The following FBXO34 variants were observed in gnomAD, a reference collection of about 807,000 sequenced individuals.
FBXO34 encodes F-box only protein 34.
A neutral mutation model predicts 24.5 loss-of-function variants in FBXO34; 12 were observed. The ratio of observed to expected loss-of-function variants is 0.49; its 90% CI spans 0.31 to 0.79. The LOEUF (loss-of-function observed/expected upper bound fraction) is 0.79, where lower values mean the gene tolerates loss of function less well. Ranked by LOEUF, FBXO34 falls within the 30% of genes least tolerant of loss-of-function variation. The pLI is 0.04. For missense variants in FBXO34, 823 were observed against 857.7 expected (o/e 0.96, Z 0.51); for synonymous variants, 320 against 311.9 (o/e 1.03, Z -0.27).
chr14:55,437,215 G>T, the FBXO34 span, among the ~76,000 whole-genome samples: 3 of 152,014 alleles, frequency 2.0e-5, no homozygotes, highest in East Asian at 3.8e-4. Flanking sequence ...GGTAGCTCAC[G>T]CCTGTAATCC....
intron 1 of FBXO34, chr14:55,271,905 C>T (rs1434797458): frequency 6.6e-6 from 1 of 152,268 alleles, no homozygotes. Flanking sequence ...GTGAGGAAGT[C>T]AGCCTCTGGA....
intron 1 of FBXO34, among the ~76,000 whole-genome samples, chr14:55,347,049 G>A (rs566788592): frequency 6.6e-6 from 1 of 152,244 alleles, no homozygotes; most frequent in South Asian, 2.1e-4. Context: ...GTGATTCAGC[G>A]GGCCTAGGGG....
intron 1 of FBXO34, among the ~76,000 whole-genome samples, chr14:55,312,482 ACT>A (rs1370882427): frequency 1.3e-5 from 2 of 151,898 alleles, no homozygotes; most frequent in Non-Finnish European, 2.9e-5. Context: ...CCCAGTGGAG[ACT>A]CTGTGTGGGG....
chr14:55,366,279 C>T (rs1434282323), downstream of FBXO34: 1 of 152,556 alleles, frequency 6.6e-6, no homozygotes, highest in African/African-American at 2.4e-5. Flanking sequence ...AAAAATTCTA[C>T]AAACTTCTTC....
At chr14:55,432,030 G>C in the FBXO34 span, among the ~76,000 whole-genome samples, 1 of 152,110 alleles carries the variant, frequency 6.6e-6, no homozygotes, top group Non-Finnish European at 1.5e-5. Flanking sequence ...GTGCACAAAT[G>C]CCTTAAGGGC....
rs559627784 is a variant in FBXO34 at position 55,336,092 on chromosome 14, G to A, written c.-10-14289G>A. Among the ~76,000 whole-genome samples the A allele has an allele frequency of 2.0e-5, 3 of 151,406 alleles. 1 individual carries two copies. Among genetic ancestry groups the A allele is most frequent in the African/African-American group, 7.2e-5 (3 of 41,498 alleles). On this transcript the variant is annotated intron_variant, in intron 1 of 1. Transcript: ENST00000313833. ...GTGCACTTATACAAGGCAGATTCAG[G>A]TACTAATTAAACTGCTCATTTAGAT...
chr14:55,286,906 C>CTTTTTT (rs34073592), intron 1 of FBXO34, among the ~76,000 whole-genome samples: 2 of 125,418 alleles, frequency 1.6e-5, no homozygotes, highest in African/African-American at 2.9e-5. Context: ...GTTTCATTTA[C>CTTTTTT]TTTTTTTTTT....
rs192651022 is a variant in FBXO34, at chr14:55,329,852, T to G, written c.-10-20529T>G. Among the ~76,000 whole-genome samples, 8 of 152,204 alleles carry G rather than the reference T, an allele frequency of 5.3e-5. No individual in the cohort carries two copies. The East Asian group carries it at 1.5e-3, about 29-fold the overall frequency. On this transcript the variant is annotated intron_variant, in intron 1 of 1. Transcript: ENST00000313833. Reference sequence around the variant, plus strand: ...GGAAAACTATCAGCTTTCAGTGGTGTTTTCTTTACCTTTTTGACTAGCGTT... The same window carrying G: ...GGAAAACTATCAGCTTTCAGTGGTGGTTTCTTTACCTTTTTGACTAGCGTT...
chr14:55,380,876 T>TATATATATATATATATATATA, the FBXO34 span, among the ~76,000 whole-genome samples: 3 of 84,324 alleles, frequency 3.6e-5, no homozygotes, highest in African/African-American at 1.3e-4. Flanking sequence ...TATATATATA[T>TATATATATATATATATATATA]TTTTTTTTTT....
intron 1 of FBXO34, among the ~76,000 whole-genome samples, chr14:55,289,960 G>T (rs779439818): frequency 2.0e-5 from 3 of 152,110 alleles, no homozygotes; most frequent in Non-Finnish European, 4.4e-5. Context: ...TGTATGAAGA[G>T]TGTATTTGTG....
chr14:55,384,994 C>A, the FBXO34 span, among the ~76,000 whole-genome samples: 3 of 152,282 alleles, frequency 2.0e-5, no homozygotes, highest in East Asian at 5.8e-4. Context: ...GTCTGTCCCA[C>A]CAGGGGTTAT....
At chr14:55,429,760 C>A in the FBXO34 span, among the ~76,000 whole-genome samples, 3 of 114,628 alleles carry the variant, frequency 2.6e-5, no homozygotes, top group African/African-American at 9.3e-5. Context: ...GAGTGAAACT[C>A]CGTCTCAAAA....
chr14:55,294,590 G>A (rs190428401), intron 1 of FBXO34, among the ~76,000 whole-genome samples: 165 of 152,248 alleles, frequency 1.1e-3, no homozygotes, highest in African/African-American at 3.8e-3. Flanking sequence ...AGGGTATAAC[G>A]TAAGAAAGTT....
At chr14:55,285,782 C>T (rs190033142) in intron 1 of FBXO34, among the ~76,000 whole-genome samples, 9 of 152,162 alleles carry the variant, frequency 5.9e-5, no homozygotes, top group South Asian at 2.1e-4. Context: ...ACTTGTTGAA[C>T]TGAACACTTG....
chr14:55,433,016 C>T, the FBXO34 span, among the ~76,000 whole-genome samples: 1 of 152,186 alleles, frequency 6.6e-6, no homozygotes, highest in Non-Finnish European at 1.5e-5. Flanking sequence ...TTATAACACA[C>T]TTCATCATTA....
intron 1 of FBXO34, among the ~76,000 whole-genome samples, chr14:55,337,795 G>T (rs1351058553): frequency 1.3e-5 from 2 of 152,082 alleles, no homozygotes; most frequent in African/African-American, 2.4e-5. Context: ...CCACAGTTCT[G>T]CCTCCTTTCA....
rs527875760 is a variant in FBXO34 at position 55,288,046 on chromosome 14, G to A, written c.-11+16509G>A. Among the ~76,000 whole-genome samples the A allele has an allele frequency of 2.8e-4, 43 of 152,264 alleles. 1 individual carries two copies. The highest frequency in any genetic ancestry group is 6.2e-4 in the South Asian group (3 of 4,824). ...TGGATTTTGGACCATTTCGGATTTC[G>A]GATTTTTGGATTAGGAATTCTCAAC... On this transcript the variant is annotated intron_variant, in intron 1 of 1. Coordinates refer to ENST00000313833, the MANE Select transcript of FBXO34 (RefSeq NM_017943.4).
the FBXO34 span, among the ~76,000 whole-genome samples, chr14:55,442,157 G>A: frequency 2.6e-4 from 40 of 151,608 alleles, no homozygotes; most frequent in Admixed American, 2.6e-3. Flanking sequence ...GGGAGGCTGA[G>A]GCAGGTGGAT....
At chr14:55,379,583 A>C in the FBXO34 span, among the ~76,000 whole-genome samples, 1 of 152,310 alleles carries the variant, frequency 6.6e-6, no homozygotes, top group East Asian at 1.9e-4. Context: ...TTTTTAAAAA[A>C]ATTAAAAAGA....
Sources: gnomAD v4.1 joint callset for allele counts (sites outside exome capture counted in the v4.1 genomes callset) on GRCh38, gnomAD v4.1.1 for gene constraint, MANE v1.5 for transcripts, NCBI Gene and HGNC (gene_info 2026-07-23, HGNC 2026-07-21) for gene names.